The following XKR6 variants were observed in gnomAD, a reference collection of about 807,000 sequenced individuals.
XKR6 encodes the protein XK-related protein 6.
Under a neutral mutation model 56.7 loss-of-function variants are expected in XKR6, and 22 were observed. That is an observed-to-expected ratio of 0.39 (90% CI 0.28 to 0.55). XKR6 has a LOEUF of 0.55. Among genes scored for constraint, XKR6 ranks in the 20% least tolerant of loss-of-function variants. XKR6 has a pLI of 0.66. For missense variants in XKR6, 852 were observed against 889.0 expected (o/e 0.96, Z 0.53); for synonymous variants, 524 against 387.8 (o/e 1.35, Z -4.13).
At position 11,191,694 on chromosome 8, in the gene XKR6, G is replaced by T. The variant is rs903477463; in HGVS notation, c.764+8882C>A. ...GACAGGACACTGGAAAAAAGTCAAT[G>T]TCATGAGAAAAAAAAAAAAAAAACA... On this transcript the variant is annotated intron_variant, in intron 1 of 2. Transcript: ENST00000416569. Among the ~76,000 whole-genome samples the T allele has an allele frequency of 2.3e-5, 3 of 131,154 alleles. No homozygotes were observed. In the East Asian group the frequency reaches 6.4e-4, roughly 28 times the overall value. The allele number at this position is 131,154 out of a possible 152,430, so 86.0% of individuals were successfully genotyped here.
At chr8:10,984,637 TC>T (rs1797809344) in intron 1 of XKR6, among the ~76,000 whole-genome samples, 1 of 149,098 alleles carries the variant, frequency 6.7e-6, no homozygotes, top group Non-Finnish European at 1.5e-5. Context: ...CAAAAATCCA[TC>T]AGCTTTCCAA....
At chr8:11,062,568 G>T in intron 1 of XKR6, 1 of 361,240 alleles carries the variant, frequency 2.8e-6, no homozygotes, top group Non-Finnish European at 5.4e-6. Context: ...GGGGCTGATT[G>T]GCTGATTAAA....
intron 1 of XKR6, among the ~76,000 whole-genome samples, chr8:11,127,171 T>G (rs574098097): frequency 6.6e-6 from 1 of 152,334 alleles, no homozygotes; most frequent in South Asian, 2.1e-4. Context: ...CTTAACGAGA[T>G]GTACTAGAAT....
intron 1 of XKR6, among the ~76,000 whole-genome samples, chr8:11,140,324 G>A (rs1006519495): frequency 1.3e-5 from 2 of 152,154 alleles, no homozygotes; most frequent in African/African-American, 2.4e-5. Context: ...TATACACTGA[G>A]AGAACATACC....
At chr8:11,095,241 G>T (rs1005454300) in intron 1 of XKR6, among the ~76,000 whole-genome samples, 1 of 152,176 alleles carries the variant, frequency 6.6e-6, no homozygotes, top group African/African-American at 2.4e-5. Context: ...AATATTATCT[G>T]CAAGGTCAAC....
chr8:11,102,851 T>C (rs1216249127), intron 1 of XKR6, among the ~76,000 whole-genome samples: 1 of 152,190 alleles, frequency 6.6e-6, no homozygotes, highest in Non-Finnish European at 1.5e-5. Flanking sequence ...ACCCCATCCT[T>C]GGACACTTCC....
At chr8:11,088,910 G>A (rs1219286881) in intron 1 of XKR6, among the ~76,000 whole-genome samples, 1 of 152,216 alleles carries the variant, frequency 6.6e-6, no homozygotes, top group African/African-American at 2.4e-5. Context: ...ATTTGTGGCA[G>A]GGCAAATCAG....
chr8:11,157,151 A>T (rs945164555), intron 1 of XKR6, among the ~76,000 whole-genome samples: 6 of 152,220 alleles, frequency 3.9e-5, no homozygotes, highest in Admixed American at 2.0e-4. Flanking sequence ...CTGACCAGCA[A>T]GCCTCCAAAC....
At chr8:10,902,592 C>A (rs1800067394) in intron 2 of XKR6, among the ~76,000 whole-genome samples, 1 of 152,246 alleles carries the variant, frequency 6.6e-6, no homozygotes, top group South Asian at 2.1e-4. Context: ...GGTCATCAGC[C>A]TTCTCCAATG....
Position 10,919,995 on chromosome 8 carries a change from T to C in XKR6, c.961+4639A>G, listed in dbSNP as rs1325500652. On this transcript the variant is annotated intron_variant, in intron 2 of 2. Transcript: ENST00000416569. Reference sequence around the variant, plus strand: ...ATAGGGAAATTGGATTATAAGTGTGTCTTGCAGGCTGAATATTGTTCTCTT... The same window carrying C: ...ATAGGGAAATTGGATTATAAGTGTGCCTTGCAGGCTGAATATTGTTCTCTT... Among the ~76,000 whole-genome samples the C allele has an allele frequency of 3.9e-5, 6 of 152,210 alleles. No individual in the cohort carries two copies. The South Asian group carries it at 1.2e-3, about 32-fold the overall frequency.
intron 1 of XKR6, among the ~76,000 whole-genome samples, chr8:10,958,029 T>C (rs1027115014): frequency 2.0e-5 from 3 of 152,236 alleles, no homozygotes; most frequent in Non-Finnish European, 2.9e-5. Flanking sequence ...ATCTGGAAAG[T>C]GGCTTGGCCT....
intron 1 of XKR6, among the ~76,000 whole-genome samples, chr8:11,118,602 G>A (rs534378932): frequency 6.6e-6 from 1 of 152,332 alleles, no homozygotes; most frequent in East Asian, 1.9e-4. Flanking sequence ...GTGTAGAGGT[G>A]TTTATAGTAT....
intron 1 of XKR6, among the ~76,000 whole-genome samples, chr8:10,991,927 A>C (rs962059165): frequency 1.3e-5 from 2 of 152,240 alleles, no homozygotes; most frequent in Non-Finnish European, 2.9e-5. Context: ...TAGAAAAATA[A>C]ACCTGGATAA....
intron 1 of XKR6, among the ~76,000 whole-genome samples, chr8:11,081,893 T>A (rs1797734091): frequency 6.6e-6 from 1 of 152,180 alleles, no homozygotes; most frequent in African/African-American, 2.4e-5. Context: ...AAATGGTCCT[T>A]GCCCCTCGAG....
intron 1 of XKR6, among the ~76,000 whole-genome samples, chr8:10,988,852 G>A (rs1185115376): frequency 6.6e-6 from 1 of 152,222 alleles, no homozygotes; most frequent in Non-Finnish European, 1.5e-5. Context: ...CTGCTGCGGA[G>A]TTAAGGTGCA....
intron 1 of XKR6, among the ~76,000 whole-genome samples, chr8:11,193,945 A>G (rs1803725771): frequency 6.6e-6 from 1 of 152,230 alleles, no homozygotes; most frequent in South Asian, 2.1e-4. Context: ...TAAAGTCAGC[A>G]CAAGTTTCTC....
intron 1 of XKR6, among the ~76,000 whole-genome samples, chr8:11,079,344 G>A (rs1035856324): frequency 6.6e-6 from 1 of 152,242 alleles, no homozygotes; most frequent in Non-Finnish European, 1.5e-5. Context: ...AATAGAGTAA[G>A]TGCAGCTTTT....
intron 1 of XKR6, among the ~76,000 whole-genome samples, chr8:11,098,835 A>C (rs1422149261): frequency 6.6e-6 from 1 of 152,208 alleles, no homozygotes; most frequent in Non-Finnish European, 1.5e-5. Flanking sequence ...GAGAAATACA[A>C]ATTCTGTTCT....
At position 10,912,306 on chromosome 8, in the gene XKR6, GTATATATATATATA is replaced by G. The variant is rs535084135; in HGVS notation, c.961+12314_961+12327del. On this transcript the variant is annotated intron_variant, in intron 2 of 2. Coordinates refer to ENST00000416569, the MANE Select transcript of XKR6 (RefSeq NM_173683.4). ...GTATATACATATATAAAGAGAGGGT[GTATATATATATATA>G]TATATATATATATATATATATATGG... Among the ~76,000 whole-genome samples the G allele has an allele frequency of 4.2e-3, 232 of 55,234 alleles. 4 individuals are homozygous for G. Among genetic ancestry groups the G allele is most frequent in the African/African-American group, 0.011 (184 of 16,018 alleles). 36.2% of individuals were successfully genotyped at this position (55,234 alleles called of 152,430 possible).
Sources: gnomAD v4.1 joint callset for allele counts (sites outside exome capture counted in the v4.1 genomes callset) on GRCh38, gnomAD v4.1.1 for gene constraint, MANE v1.5 for transcripts, NCBI Gene and HGNC (gene_info 2026-07-23, HGNC 2026-07-21) for gene names.